The following RNGTT variants were observed in gnomAD, a reference collection of about 807,000 sequenced individuals.
RNGTT encodes the protein mRNA-capping enzyme.
RNGTT carries 33 observed loss-of-function variants against 79.3 expected under a neutral mutation model. The observed-to-expected ratio is 0.42, with a 90% CI of 0.32 to 0.56. RNGTT has a LOEUF of 0.56. Ranked by LOEUF, RNGTT falls within the 20% of genes least tolerant of loss-of-function variation. The pLI is 0.17. For missense variants in RNGTT, 497 were observed against 739.1 expected, an observed-to-expected ratio of 0.67 and a Z score of 3.80; for synonymous variants, 222 against 235.9, an observed-to-expected ratio of 0.94 and a Z score of 0.54.
At chr6:88,849,935 C>T in intron 9 of RNGTT, 109 bp from the exon 10 acceptor site, 1 of 1,066,776 alleles carries the variant, frequency 9.4e-7, no homozygotes, top group South Asian at 2.7e-5. Context: ...AAATATACAA[C>T]TTGATGAAAT....
intron 12 of RNGTT, among the ~76,000 whole-genome samples, chr6:88,771,315 G>GTA (rs539282627): frequency 0.12 from 7,413 of 61,694 alleles, 384 homozygotes; most frequent in East Asian, 0.2. Flanking sequence ...GTGTGTGTGT[G>GTA]TATATATATA....
chr6:88,951,842 G>A (rs1236206009), intron 1 of RNGTT, among the ~76,000 whole-genome samples: 3 of 152,152 alleles, frequency 2.0e-5, no homozygotes, highest in African/African-American at 7.2e-5. Context: ...GCAGACAGCA[G>A]AATTAGGGAG....
At chr6:88,758,507 A>G (rs1047431539) in intron 13 of RNGTT, among the ~76,000 whole-genome samples, 4 of 152,184 alleles carry the variant, frequency 2.6e-5, no homozygotes, top group African/African-American at 9.7e-5. Flanking sequence ...AATTCCTCAG[A>G]TTTTGTTTGA....
chr6:88,714,633 G>A (rs1267754285), intron 13 of RNGTT, among the ~76,000 whole-genome samples: 1 of 101,756 alleles, frequency 9.8e-6, no homozygotes, highest in Non-Finnish European at 1.8e-5. Flanking sequence ...TAGTAGAGAC[G>A]GGGTTTCACC....
chr6:88,618,106 G>A (rs1320640568), intron 14 of RNGTT, among the ~76,000 whole-genome samples: 1 of 152,122 alleles, frequency 6.6e-6, no homozygotes, highest in Non-Finnish European at 1.5e-5. Context: ...CAATCTGACT[G>A]TAACAATTAA....
intron 2 of RNGTT, among the ~76,000 whole-genome samples, chr6:88,938,638 T>C (rs572545704): frequency 1.3e-5 from 2 of 152,338 alleles, no homozygotes; most frequent in South Asian, 4.1e-4. Flanking sequence ...TCTTTGTGGT[T>C]TGGTGGTATT....
At chr6:88,722,816 T>G (rs1020233732) in intron 13 of RNGTT, among the ~76,000 whole-genome samples, 2 of 152,196 alleles carry the variant, frequency 1.3e-5, no homozygotes, top group East Asian at 1.9e-4. Flanking sequence ...AAGATTATAA[T>G]GAAGCTGAAA....
intron 13 of RNGTT, among the ~76,000 whole-genome samples, chr6:88,710,542 T>C (rs1444505922): frequency 6.6e-6 from 1 of 152,220 alleles, no homozygotes; most frequent in Non-Finnish European, 1.5e-5. Context: ...AACTCTTCTC[T>C]TTTTAAAATG....
chr6:88,807,803 A>G (rs1297068245), intron 11 of RNGTT, among the ~76,000 whole-genome samples: 1 of 152,176 alleles, frequency 6.6e-6, no homozygotes, highest in African/African-American at 2.4e-5. Context: ...AAACCCAGCA[A>G]GAAGGGGGAA....
At chr6:88,843,442 G>C (rs186542264) in intron 11 of RNGTT, among the ~76,000 whole-genome samples, 3 of 151,260 alleles carry the variant, frequency 2.0e-5, no homozygotes, top group Non-Finnish European at 1.5e-5. Context: ...CAAATAACAT[G>C]GCAAATCTCT....
chr6:88,817,865 T>C (rs1435861451), intron 11 of RNGTT, among the ~76,000 whole-genome samples: 1 of 145,962 alleles, frequency 6.9e-6, no homozygotes, highest in African/African-American at 2.5e-5. Flanking sequence ...GTTCATGCCA[T>C]TCTCCTGCCT....
In RNGTT at chr6:88,891,841, T is replaced by C; in HGVS notation, c.759A>G (p.Val253=). 2 of 1,603,698 alleles carry C rather than the reference T, an allele frequency of 1.2e-6. No homozygotes were observed. The highest frequency in any genetic ancestry group is 2.3e-5 in the East Asian group (1 of 44,354). Residue 253 remains valine (V), a synonymous_variant, in exon 7 of 16, where the codon GTA becomes GTG. Coordinates refer to ENST00000369485, the MANE Select transcript of RNGTT (RefSeq NM_003800.5). The stretch of plus-strand genomic sequence containing the variant: ...CACAGAATTGATGACACTTCTGCTG[T>C]ACCTCTCCTAACTTTGGTTGTGTTG... ...QVTTQPKLGE[V]QQKCHQFCGW...
chr6:88,782,688 A>C (rs1779104293), intron 12 of RNGTT, among the ~76,000 whole-genome samples: 1 of 152,140 alleles, frequency 6.6e-6, no homozygotes, highest in African/African-American at 2.4e-5. Flanking sequence ...AAATCATACA[A>C]CTCAATATTA....
At chr6:88,733,406 T>A (rs1353513250) in intron 13 of RNGTT, among the ~76,000 whole-genome samples, 1 of 103,828 alleles carries the variant, frequency 9.6e-6, no homozygotes. Context: ...ATGTCCCAAA[T>A]GCAAAGAGCA....
intron 13 of RNGTT, among the ~76,000 whole-genome samples, chr6:88,746,704 T>C (rs1288568041): frequency 6.6e-6 from 1 of 152,186 alleles, no homozygotes; most frequent in Non-Finnish European, 1.5e-5. Flanking sequence ...CTCCGCCACT[T>C]ACCTCCTGCT....
chr6:88,924,509 G>T (rs898182931), intron 4 of RNGTT, among the ~76,000 whole-genome samples: 2 of 151,278 alleles, frequency 1.3e-5, no homozygotes, highest in African/African-American at 2.4e-5. Context: ...ATCTTTTTTT[G>T]AGACAGAATT....
chr6:88,788,393 T>C (rs755587948), intron 12 of RNGTT, among the ~76,000 whole-genome samples: 30 of 151,988 alleles, frequency 2.0e-4, no homozygotes, highest in Admixed American at 4.6e-4. Flanking sequence ...GTGTCACAGA[T>C]GCCATAAAAG....
intron 8 of RNGTT, among the ~76,000 whole-genome samples, chr6:88,882,770 A>G (rs1582579266): frequency 6.6e-6 from 1 of 152,146 alleles, no homozygotes; most frequent in East Asian, 1.9e-4. Flanking sequence ...CCACCATTTG[A>G]GCACAAAGCA....
At chr6:88,908,243 ATAAAT>A (rs2127944283) in intron 4 of RNGTT, among the ~76,000 whole-genome samples, 1 of 152,348 alleles carries the variant, frequency 6.6e-6, no homozygotes, top group African/African-American at 2.4e-5. Flanking sequence ...AAAAATACTG[ATAAAT>A]TAGACTATTT....
Sources: gnomAD v4.1 joint callset for allele counts (sites outside exome capture counted in the v4.1 genomes callset) on GRCh38, gnomAD v4.1.1 for gene constraint, MANE v1.5 for transcripts, NCBI Gene and HGNC (gene_info 2026-07-23, HGNC 2026-07-21) for gene names.